NRG3: variants seen among roughly 807,000 people sequenced by gnomAD.
NRG3 encodes the protein neuregulin 3.
NRG3 carries 31 observed loss-of-function variants against 66.9 expected under a neutral mutation model. That is an observed-to-expected ratio of 0.46 (90% CI 0.35 to 0.63). The LOEUF (loss-of-function observed/expected upper bound fraction) is 0.63. NRG3 is among the 20% of genes least tolerant of loss of function. The pLI, the probability that NRG3 is intolerant of heterozygous loss-of-function variation, is 0.00. For missense variants in NRG3, 910 were observed against 878.9 expected (o/e 1.04, Z -0.45); for synonymous variants, 393 against 359.4 (o/e 1.09, Z -1.06).
At chr10:82,968,240 T>G (rs1480855273) in intron 6 of NRG3, among the ~76,000 whole-genome samples, 1 of 152,192 alleles carries the variant, frequency 6.6e-6, no homozygotes, top group Non-Finnish European at 1.5e-5. Flanking sequence ...GTTGGTCAAA[T>G]TATTAGACTC....
chr10:82,556,556 G>A (rs2044667793), intron 2 of NRG3, among the ~76,000 whole-genome samples: 1 of 152,108 alleles, frequency 6.6e-6, no homozygotes, highest in African/African-American at 2.4e-5. Flanking sequence ...TCTCTCTGTG[G>A]CCTGCTTTGC....
intron 1 of NRG3, among the ~76,000 whole-genome samples, chr10:81,927,602 T>C (rs1333634006): frequency 6.6e-6 from 1 of 152,238 alleles, no homozygotes; most frequent in African/African-American, 2.4e-5. Context: ...ATAGACTTTG[T>C]GTCTTCGATT....
intron 5 of NRG3, among the ~76,000 whole-genome samples, chr10:82,952,479 G>C (rs1162405371): frequency 0.16 from 14,719 of 93,574 alleles, 1,129 homozygotes; most frequent in African/African-American, 0.23. Context: ...CTCTGTGTGT[G>C]TGTGTGTGTG....
chr10:81,894,576 A>G (rs1164481882), intron 1 of NRG3, among the ~76,000 whole-genome samples: 1 of 152,116 alleles, frequency 6.6e-6, no homozygotes, highest in Admixed American at 6.5e-5. Flanking sequence ...CGACATATGA[A>G]TGGGGGGACA....
intron 4 of NRG3, among the ~76,000 whole-genome samples, chr10:82,901,400 G>A (rs1329460393): frequency 6.6e-6 from 1 of 151,948 alleles, no homozygotes; most frequent in East Asian, 1.9e-4. Context: ...TTAGAGAGGT[G>A]GAAAAATGGT....
chr10:82,768,432 A>AT (rs1437893950), intron 3 of NRG3, among the ~76,000 whole-genome samples: 6 of 151,976 alleles, frequency 3.9e-5, no homozygotes, highest in Non-Finnish European at 8.8e-5. Flanking sequence ...GTAGTGACCT[A>AT]TTTTTTTATA....
chr10:82,767,709 T>A (rs1438273922), intron 3 of NRG3, among the ~76,000 whole-genome samples: 2 of 152,146 alleles, frequency 1.3e-5, no homozygotes, highest in Non-Finnish European at 2.9e-5. Context: ...CTTTTATTTA[T>A]TCTTTTTATC....
At chr10:82,460,584 G>C (rs1194176474) in intron 2 of NRG3, among the ~76,000 whole-genome samples, 3 of 152,124 alleles carry the variant, frequency 2.0e-5, no homozygotes, top group Non-Finnish European at 4.4e-5. Context: ...ACTGAGATGA[G>C]AATGACATAA....
intron 1 of NRG3, among the ~76,000 whole-genome samples, chr10:81,964,683 C>G (rs1471892105): frequency 6.6e-6 from 1 of 152,178 alleles, no homozygotes; most frequent in African/African-American, 2.4e-5. Flanking sequence ...GCCAGACTGT[C>G]TTCCAGGAAG....
rs556303651 is a variant in NRG3, at chr10:82,963,666, C to T, written c.1284+4591C>T. ...CTGCACTCCAGCCTGGGTGACAGAG[C>T]GAGACAACGTCTCAAAAAAAAATAA... On this transcript the variant is annotated intron_variant, in intron 6 of 8. Coordinates refer to ENST00000372141, the MANE Select transcript of NRG3 (RefSeq NM_001010848.4). 5.3e-5 allele frequency among the ~76,000 whole-genome samples: 8 copies of T among 151,668 alleles called. No homozygotes were observed. The South Asian group carries it at 1.5e-3, about 28-fold the overall frequency.
chr10:82,902,015 A>G (rs1844269748), intron 4 of NRG3, among the ~76,000 whole-genome samples: 1 of 152,212 alleles, frequency 6.6e-6, no homozygotes, highest in South Asian at 2.1e-4. Flanking sequence ...ATAAATGGAT[A>G]GGTAAATATA....
Position 82,136,420 on chromosome 10 carries a change from G to A in NRG3, c.824-222319G>A, listed in dbSNP as rs192865954. Among the ~76,000 whole-genome samples, 479 of 152,134 alleles carry A rather than the reference G, an allele frequency of 3.1e-3. 2 individuals are homozygous for A. The highest frequency in any genetic ancestry group is 5.5e-3 in the Non-Finnish European group (376 of 67,988). On this transcript the variant is annotated intron_variant, in intron 1 of 8. Coordinates refer to ENST00000372141, the MANE Select transcript of NRG3 (RefSeq NM_001010848.4). ...GGCGTGTGTCCTTCTCTTTATTGAT[G>A]TGAGCTCCCTTCAGCCCAGGGAGAG...
Position 82,282,933 on chromosome 10 carries a change from GC to G in NRG3, c.824-75802del, listed in dbSNP as rs1221406870. Among the ~76,000 whole-genome samples the G allele has an allele frequency of 5.9e-5, 9 of 152,158 alleles. No homozygotes were observed. In the South Asian group the frequency reaches 8.3e-4, roughly 14 times the overall value. The stretch of plus-strand genomic sequence containing the variant: ...GCTTGGTCACTGGGGTCCGATCCTG[GC>G]CCCGGTGTTTACTAACAGTGTTGCC... On this transcript the variant is annotated intron_variant, in intron 1 of 8. Coordinates refer to ENST00000372141, the MANE Select transcript of NRG3 (RefSeq NM_001010848.4).
chr10:82,929,363 A>T (rs1283763874), intron 4 of NRG3, among the ~76,000 whole-genome samples: 2 of 152,292 alleles, frequency 1.3e-5, no homozygotes, highest in East Asian at 3.9e-4. Context: ...GTCCTAAGGG[A>T]TGCAAGTACC....
intron 5 of NRG3, among the ~76,000 whole-genome samples, chr10:82,954,893 C>T (rs901597425): frequency 6.6e-6 from 1 of 151,524 alleles, no homozygotes; most frequent in Non-Finnish European, 1.5e-5. Context: ...CTACCTTGAC[C>T]TTCCCTTACT....
In NRG3 at chr10:82,633,114, A is replaced by G. The variant is rs140503616; in HGVS notation, c.954-105463A>G. ...TCTGACTGTGTTTAAGCAAGAAATG[A>G]AGAGGTCTGGGTAAATGGAGATTTC... is the stretch of plus-strand genomic sequence containing the variant. On this transcript the variant is annotated intron_variant, in intron 2 of 8. Coordinates refer to ENST00000372141, the MANE Select transcript of NRG3 (RefSeq NM_001010848.4). Among the ~76,000 whole-genome samples the G allele has an allele frequency of 1.1e-3, 163 of 152,330 alleles. 2 individuals carry two copies. The highest frequency in any genetic ancestry group is 3.7e-3 in the African/African-American group (155 of 41,580).
At chr10:82,641,437 A>G (rs1327898226) in intron 2 of NRG3, among the ~76,000 whole-genome samples, 2 of 152,142 alleles carry the variant, frequency 1.3e-5, no homozygotes, top group African/African-American at 2.4e-5. Flanking sequence ...TTGCAATGCT[A>G]TTTTTTCACT....
chr10:82,411,480 C>G (rs540870127), intron 2 of NRG3, among the ~76,000 whole-genome samples: 2 of 152,242 alleles, frequency 1.3e-5, no homozygotes, highest in Admixed American at 6.5e-5. Flanking sequence ...CTCAGAGCCT[C>G]TGTCGTCCTC....
chr10:82,462,420 C>G (rs1338398180), intron 2 of NRG3, among the ~76,000 whole-genome samples: 3 of 151,798 alleles, frequency 2.0e-5, no homozygotes, highest in Non-Finnish European at 4.4e-5. Context: ...TTATATTACT[C>G]ATAAGAAATT....
Sources: gnomAD v4.1 joint callset for allele counts (sites outside exome capture counted in the v4.1 genomes callset) on GRCh38, gnomAD v4.1.1 for gene constraint, MANE v1.5 for transcripts, NCBI Gene and HGNC (gene_info 2026-07-23, HGNC 2026-07-21) for gene names.